The following LMOD1 variants were observed in gnomAD, a reference collection of about 807,000 sequenced individuals.
LMOD1 encodes leiomodin-1.
In LMOD1, 8 loss-of-function variants were observed where a neutral mutation model predicts 36.5. The ratio of observed to expected loss-of-function variants is 0.22; its 90% CI spans 0.13 to 0.40. The LOEUF is 0.40. Ranked by LOEUF, LMOD1 falls within the 10% of genes least tolerant of loss-of-function variation. LMOD1 has a pLI of 1.00. For missense variants in LMOD1, 630 were observed against 751.1 expected (o/e 0.84, Z 1.88); for synonymous variants, 284 against 288.7 (o/e 0.98, Z 0.17).
In LMOD1 at chr1:201,897,786, G is replaced by T. The variant is rs928403730; in HGVS notation, c.*586C>A. 2 of 152,974 alleles carry T rather than the reference G, an allele frequency of 1.3e-5. No homozygotes were observed. The highest frequency in any genetic ancestry group is 4.8e-5 in the African/African-American group (2 of 41,452). The allele number at this position is 152,974 out of a possible 1,614,324, so 9.5% of individuals were successfully genotyped here. On this transcript the variant is annotated 3_prime_UTR_variant, in exon 3 of 3. Coordinates refer to ENST00000367288, the MANE Select transcript of LMOD1 (RefSeq NM_012134.3). ...CTGTCTGTCCCACTCCTCCTGTCTG[G>T]AGCCTACTCCCATCAGGCACTGTGC... is the stretch of plus-strand genomic sequence containing the variant.
In LMOD1 at chr1:201,907,919, G is replaced by A. The variant is rs563516580; in HGVS notation, c.262-7168C>T. ...GTCTTGCCCTCACAACTTAGGGGAC[G>A]TGGCCGACCAGGGGACAAGTTCACA... is the stretch of plus-strand genomic sequence containing the variant. On this transcript the variant is annotated intron_variant, in intron 1 of 2. Coordinates refer to ENST00000367288, the MANE Select transcript of LMOD1 (RefSeq NM_012134.3). 4.0e-3 allele frequency among the ~76,000 whole-genome samples: 602 copies of A among 152,300 alleles called. 5 individuals are homozygous for A. The highest frequency in any genetic ancestry group is 0.014 in the African/African-American group (575 of 41,562).
chr1:201,934,318 C>G (rs1681979078), intron 1 of LMOD1, among the ~76,000 whole-genome samples: 1 of 152,172 alleles, frequency 6.6e-6, no homozygotes, highest in Non-Finnish European at 1.5e-5. Context: ...CCTTCCAGAG[C>G]AGCACATTGC....
chr1:201,910,598 A>G (rs1386851216), intron 1 of LMOD1, among the ~76,000 whole-genome samples: 3 of 151,526 alleles, frequency 2.0e-5, no homozygotes, highest in African/African-American at 2.4e-5. Flanking sequence ...TGCTTTTATC[A>G]TCATGGTCTT....
intron 1 of LMOD1, among the ~76,000 whole-genome samples, chr1:201,934,261 C>T (rs1254499634): frequency 6.6e-6 from 1 of 152,204 alleles, no homozygotes; most frequent in Non-Finnish European, 1.5e-5. Flanking sequence ...GTCATAGCCT[C>T]CTTGGTTTCT....
At position 201,900,222 on chromosome 1, in the gene LMOD1, G is replaced by A. The variant is rs753423228; in HGVS notation, c.791C>T (p.Thr264Ile). The A allele has an allele frequency of 6.8e-6, 11 of 1,613,642 alleles. No homozygotes were observed. The South Asian group carries it at 1.2e-4, about 18-fold the overall frequency. ...CTTGACTTTTTCATCGTCCTTTTTG[G>A]TGTCTGTGTTCCCAGTTCCTCTTTT... Reference protein sequence around the residue: ...KVKRGTGNTDTKKDDEKVKKN... With the variant: ...KVKRGTGNTDIKKDDEKVKKN... Residue 264 changes from threonine to isoleucine, a missense_variant, in exon 2 of 3, where the codon ACC (threonine) becomes ATC (isoleucine). By Grantham distance (89) the Thr-to-Ile change is moderately conservative (BLOSUM62 -1). Around this residue, in one of 3 missense-constraint regions of LMOD1, gnomAD observed 405 missense variants for 400.6 expected, o/e 1.01. Coordinates refer to ENST00000367288, the MANE Select transcript of LMOD1 (RefSeq NM_012134.3).
In LMOD1 at chr1:201,896,986, G is replaced by T; in HGVS notation, c.*1386C>A. The T allele has an allele frequency of 5.9e-6, 2 of 339,476 alleles. No individual in the cohort carries two copies. Among genetic ancestry groups the T allele is most frequent in the South Asian group, 4.5e-5 (2 of 44,536 alleles). 21.0% of individuals were successfully genotyped at this position (339,476 alleles called of 1,614,324 possible). A position where few individuals can be genotyped will look rare whatever the true frequency, so the allele number is the denominator to read the frequency against. On this transcript the variant is annotated 3_prime_UTR_variant, in exon 3 of 3. Coordinates refer to ENST00000367288, the MANE Select transcript of LMOD1 (RefSeq NM_012134.3). Reference sequence around the variant, plus strand: ...AACCTACAAGTGACACAGACCCAAGGTGGCAGTTCCACAGTGCCAAGGGGT... The same window carrying T: ...AACCTACAAGTGACACAGACCCAAGTTGGCAGTTCCACAGTGCCAAGGGGT...
rs567529358 is a variant in LMOD1 at position 201,924,273 on chromosome 1, G to A, written c.261+21807C>T. Among the ~76,000 whole-genome samples, 299 of 147,320 alleles carry A rather than the reference G, an allele frequency of 2.0e-3. 2 individuals carry two copies. The highest frequency in any genetic ancestry group is 7.1e-3 in the African/African-American group (286 of 40,098). ...CGGGAGGCGGAGCTTGCAGTGAGCC[G>A]AGATAGCGCCACTGCACTCCAGCCT... is the stretch of plus-strand genomic sequence containing the variant. On this transcript the variant is annotated intron_variant, in intron 1 of 2. Coordinates refer to ENST00000367288, the MANE Select transcript of LMOD1 (RefSeq NM_012134.3).
chr1:201,945,523 C>G (rs1036359888), intron 1 of LMOD1, among the ~76,000 whole-genome samples: 1 of 152,186 alleles, frequency 6.6e-6, no homozygotes, highest in Non-Finnish European at 1.5e-5. Context: ...CATTTCCCAG[C>G]CCATAGACTC....
At chr1:201,910,744 C>CTTTTTTTTTTTTTTTTTTTTTTT (rs58506647) in intron 1 of LMOD1, among the ~76,000 whole-genome samples, 1 of 49,050 alleles carries the variant, frequency 2.0e-5, no homozygotes, top group Admixed American at 3.6e-4. Context: ...TGGTGTCATT[C>CTTTTTTTTTTTTTTTTTTTTTTT]TTTTTTTTTT....
intron 1 of LMOD1, among the ~76,000 whole-genome samples, chr1:201,918,086 C>T (rs1233870858): frequency 6.6e-6 from 1 of 152,226 alleles, no homozygotes; most frequent in African/African-American, 2.4e-5. Context: ...ATTCTGTAGC[C>T]AGTCCTAGGC....
At chr1:201,945,524 C>T (rs1682195825) in intron 1 of LMOD1, among the ~76,000 whole-genome samples, 1 of 152,178 alleles carries the variant, frequency 6.6e-6, no homozygotes, top group Non-Finnish European at 1.5e-5. Flanking sequence ...ATTTCCCAGC[C>T]CATAGACTCC....
rs545368719 is a variant in LMOD1 at position 201,899,072 on chromosome 1, G to T, written c.1776+165C>A. On this transcript the variant is annotated intron_variant, in intron 2 of 2. Coordinates refer to ENST00000367288, the MANE Select transcript of LMOD1 (RefSeq NM_012134.3). This position sits in a 1 kb window ranked among gnomAD's most constrained non-coding sequence, Gnocchi z 6.3. ...ATATACAGGTGTGACCTGCCTGCAG[G>T]CAGGAGGATGCATGAGATGACCTGA... 1.7e-6 allele frequency: 1 copy of T among 603,798 alleles called. No individual in the cohort carries two copies. The highest frequency in any genetic ancestry group is 2.8e-6 in the Non-Finnish European group (1 of 351,742). The allele number at this position is 603,798 out of a possible 1,614,324, so 37.4% of individuals were successfully genotyped here. A position where few individuals can be genotyped will look rare whatever the true frequency, so the allele number is the denominator to read the frequency against.
Position 201,915,932 on chromosome 1 carries a change from T to A in LMOD1, c.262-15181A>T, listed in dbSNP as rs560525217. 9.9e-5 allele frequency among the ~76,000 whole-genome samples: 15 copies of A among 152,178 alleles called. No individual in the cohort carries two copies. The East Asian group carries it at 2.1e-3, about 22-fold the overall frequency. Reference sequence around the variant, plus strand: ...TCAGTGTCTAATGTCTGAACTTTTTTTTTTTGATACAAGGTCTCATTCTCT... The same window carrying A: ...TCAGTGTCTAATGTCTGAACTTTTTATTTTTGATACAAGGTCTCATTCTCT... On this transcript the variant is annotated intron_variant, in intron 1 of 2. Coordinates refer to ENST00000367288, the MANE Select transcript of LMOD1 (RefSeq NM_012134.3).
chr1:201,911,757 T>G (rs1681500781), intron 1 of LMOD1, among the ~76,000 whole-genome samples: 1 of 152,170 alleles, frequency 6.6e-6, no homozygotes, highest in Non-Finnish European at 1.5e-5. Context: ...GTATGCCACC[T>G]TACTCTGTGA....
intron 1 of LMOD1, among the ~76,000 whole-genome samples, chr1:201,925,865 TG>T (rs971430184): frequency 6.6e-6 from 1 of 152,062 alleles, no homozygotes; most frequent in African/African-American, 2.4e-5. Context: ...CCACCATTCC[TG>T]GCTAATTTTT....
chr1:201,903,005 G>T (rs1372808849), intron 1 of LMOD1, among the ~76,000 whole-genome samples: 21 of 152,232 alleles, frequency 1.4e-4, no homozygotes, highest in Non-Finnish European at 2.9e-5. Context: ...TCAAGAGGAA[G>T]AGACTATGGT....
At chr1:201,932,447 G>A (rs546380390) in intron 1 of LMOD1, among the ~76,000 whole-genome samples, 2 of 152,064 alleles carry the variant, frequency 1.3e-5, no homozygotes, top group East Asian at 3.9e-4. Context: ...TGCTCTCAAA[G>A]ATGTACTCCA....
Position 201,900,351 on chromosome 1 carries a change from T to C in LMOD1, c.662A>G (p.Glu221Gly). The change falls in exon 2 of 3, where the codon GAG becomes GGG. Residue 221 changes from glutamate to glycine, a missense_variant. Coordinates refer to ENST00000367288, the MANE Select transcript of LMOD1 (RefSeq NM_012134.3). Reference sequence around the variant, plus strand: ...GTTCCTACGCTCCCCTTTTACCTTCTCATCATCCTCTTTCTTGGCCACCTC... The same window carrying C: ...GTTCCTACGCTCCCCTTTTACCTTCCCATCATCCTCTTTCTTGGCCACCTC... ...MKEVAKKEDD[E>G]KVKGERRNTD... 6.4e-7 allele frequency: 1 copy of C among 1,571,880 alleles called. No homozygotes were observed. The highest frequency in any genetic ancestry group is 8.6e-7 in the Non-Finnish European group (1 of 1,157,336).
chr1:201,917,499 G>A (rs1681631107), intron 1 of LMOD1, among the ~76,000 whole-genome samples: 1 of 152,086 alleles, frequency 6.6e-6, no homozygotes, highest in African/African-American at 2.4e-5. Context: ...AGGTTCTTGT[G>A]GCAGATCTTC....
Sources: allele counts gnomAD v4.1 joint callset (sites outside exome capture counted in the v4.1 genomes callset), GRCh38; gene constraint gnomAD v4.1.1; regional missense constraint gnomAD v4.1.1; non-coding constraint Gnocchi (gnomAD v3.1); transcripts MANE v1.5; gene names NCBI Gene and HGNC (gene_info 2026-07-23, HGNC 2026-07-21).